ERBB4: variants seen among roughly 807,000 people sequenced by gnomAD.
ERBB4 encodes the protein receptor tyrosine-protein kinase erbB-4.
ERBB4 carries 42 observed loss-of-function variants against 158.0 expected under a neutral mutation model. The observed-to-expected ratio is 0.27, with a 90% CI of 0.21 to 0.34. The LOEUF (loss-of-function observed/expected upper bound fraction) is 0.34. Ranked by LOEUF, ERBB4 falls within the 10% of genes least tolerant of loss-of-function variation. ERBB4 has a pLI of 1.00. For synonymous variants in ERBB4, 583 were observed against 558.7 expected (o/e 1.04, Z -0.61); for missense variants, 1,333 against 1,624.1 (o/e 0.82, Z 3.08).
chr2:211,940,767 A>T (rs889101378), intron 3 of ERBB4, among the ~76,000 whole-genome samples: 1 of 152,008 alleles, frequency 6.6e-6, no homozygotes, highest in Non-Finnish European at 1.5e-5. Context: ...CAACCCCACC[A>T]CTTATTTTGG....
chr2:212,228,562 C>A (rs1412929419), intron 1 of ERBB4, among the ~76,000 whole-genome samples: 1 of 152,016 alleles, frequency 6.6e-6, no homozygotes, highest in African/African-American at 2.4e-5. Flanking sequence ...ATAGCACTGC[C>A]CAGAATTATA....
rs190488886 is a variant in ERBB4 at position 212,462,210 on chromosome 2, A to G, written c.82+76239T>C. ...AGACATTGGTCTGGGCAAAGATTTT[A>G]TAGTTAAGCTCTTAAAGCAGAGGCA... On this transcript the variant is annotated intron_variant, in intron 1 of 27. Coordinates refer to ENST00000342788, the MANE Select transcript of ERBB4 (RefSeq NM_005235.3). 7.9e-5 allele frequency among the ~76,000 whole-genome samples: 12 copies of G among 152,350 alleles called. No homozygotes were observed. The East Asian group carries it at 1.9e-3, about 24-fold the overall frequency.
intron 25 of ERBB4, among the ~76,000 whole-genome samples, chr2:211,402,636 G>A (rs2063068779): frequency 6.6e-6 from 1 of 151,772 alleles, no homozygotes; most frequent in Admixed American, 6.6e-5. Context: ...TGGAAATTCT[G>A]GTCAAGAGAA....
intron 5 of ERBB4, among the ~76,000 whole-genome samples, chr2:211,727,532 A>C (rs2074305027): frequency 6.6e-6 from 1 of 152,060 alleles, no homozygotes; most frequent in Admixed American, 6.6e-5. Flanking sequence ...TCAGGGCTTA[A>C]TATATTTATC....
At chr2:212,478,609 T>C (rs1013705200) in intron 1 of ERBB4, among the ~76,000 whole-genome samples, 1 of 152,092 alleles carries the variant, frequency 6.6e-6, no homozygotes, top group East Asian at 1.9e-4. Context: ...TAGGTTCCCA[T>C]TGTCCTGAAA....
intron 4 of ERBB4, among the ~76,000 whole-genome samples, chr2:211,781,324 G>T (rs1236409643): frequency 6.6e-6 from 1 of 152,156 alleles, no homozygotes; most frequent in Non-Finnish European, 1.5e-5. Flanking sequence ...AGAACATCTG[G>T]TTAAACAAGT....
chr2:212,263,136 T>C (rs1454754915), intron 1 of ERBB4, among the ~76,000 whole-genome samples: 1 of 152,090 alleles, frequency 6.6e-6, no homozygotes, highest in East Asian at 1.9e-4. Flanking sequence ...CAATGGTGTG[T>C]CTACAAGCCA....
At chr2:211,414,575 A>G (rs1051930818) in intron 25 of ERBB4, among the ~76,000 whole-genome samples, 2 of 152,010 alleles carry the variant, frequency 1.3e-5, no homozygotes, top group African/African-American at 4.8e-5. Context: ...ATGAGATATA[A>G]TCAGGCAATA....
intron 14 of ERBB4, among the ~76,000 whole-genome samples, chr2:211,672,319 A>C (rs1234941499): frequency 6.6e-6 from 1 of 152,158 alleles, no homozygotes; most frequent in East Asian, 1.9e-4. Flanking sequence ...GATAAACTGG[A>C]AATTTGTCTA....
At chr2:211,736,224 G>A (rs1457442161) in intron 5 of ERBB4, among the ~76,000 whole-genome samples, 2 of 151,590 alleles carry the variant, frequency 1.3e-5, no homozygotes, top group South Asian at 2.1e-4. Context: ...ATGCACCTTT[G>A]TAGTGTTTTT....
intron 20 of ERBB4, among the ~76,000 whole-genome samples, chr2:211,481,179 G>A (rs2065073405): frequency 6.6e-6 from 1 of 152,032 alleles, no homozygotes; most frequent in South Asian, 2.1e-4. Flanking sequence ...TTTGAACTTA[G>A]AACAAAGCTC....
intron 20 of ERBB4, among the ~76,000 whole-genome samples, chr2:211,482,674 G>T (rs942680214): frequency 6.6e-6 from 1 of 152,202 alleles, no homozygotes; most frequent in Admixed American, 6.5e-5. Context: ...GGGAGGCCAA[G>T]ATAGGCGGAT....
At position 211,770,531 on chromosome 2, in the gene ERBB4, TA is replaced by T. The variant is rs374039404; in HGVS notation, c.556+17493del. Reference sequence around the variant, plus strand: ...AGTGACATTCAGTTATAGCATGATATATTTTTTCAATAAAATTCACATATTT... The same window carrying T: ...AGTGACATTCAGTTATAGCATGATATTTTTTTCAATAAAATTCACATATTT... On this transcript the variant is annotated intron_variant, in intron 4 of 27. Transcript: ENST00000342788. Among the ~76,000 whole-genome samples the T allele has an allele frequency of 4.1e-3, 618 of 152,348 alleles. 4 individuals carry two copies. The highest frequency in any genetic ancestry group is 0.014 in the African/African-American group (583 of 41,580).
At chr2:211,461,254 C>CA (rs1451709041) in intron 20 of ERBB4, among the ~76,000 whole-genome samples, 2 of 151,418 alleles carry the variant, frequency 1.3e-5, no homozygotes, top group East Asian at 1.9e-4. Flanking sequence ...TTAAAAATGC[C>CA]AAAAAATAAG....
intron 4 of ERBB4, 115 bp downstream of exon 4, chr2:211,787,909 AT>A (rs1161384642): frequency 1.0e-6 from 1 of 989,840 alleles, no homozygotes; most frequent in African/African-American, 1.6e-5. Context: ...ATAACTGAAC[AT>A]TTCAATGAAT....
chr2:212,196,750 T>C (rs578147194), intron 1 of ERBB4, among the ~76,000 whole-genome samples: 1 of 152,278 alleles, frequency 6.6e-6, no homozygotes, highest in East Asian at 1.9e-4. Flanking sequence ...TATGGTTTCA[T>C]CCTAAATTCA....
intron 1 of ERBB4, among the ~76,000 whole-genome samples, chr2:212,284,914 G>A (rs2085903755): frequency 6.6e-6 from 1 of 152,058 alleles, no homozygotes; most frequent in Non-Finnish European, 1.5e-5. Flanking sequence ...GTTTTAAGCT[G>A]AACTTTCTGG....
intron 23 of ERBB4, 112 bp from the exon 24 acceptor site, chr2:211,422,216 T>G: frequency 1.4e-6 from 1 of 718,350 alleles, no homozygotes; most frequent in Non-Finnish European, 2.5e-6. Flanking sequence ...TTAATCGTAA[T>G]GATCTGAGAA....
intron 12 of ERBB4, among the ~76,000 whole-genome samples, chr2:211,694,570 T>TC (rs1317985469): frequency 6.6e-6 from 1 of 151,846 alleles, no homozygotes; most frequent in African/African-American, 2.4e-5. Context: ...GCTTTTTTTT[T>TC]TTTACAAAGA....
Sources: allele counts gnomAD v4.1 joint callset (sites outside exome capture counted in the v4.1 genomes callset), GRCh38; gene constraint gnomAD v4.1.1; transcripts MANE v1.5; gene names NCBI Gene and HGNC (gene_info 2026-07-23, HGNC 2026-07-21).